The following MAGI2 variants were observed in gnomAD, a reference collection of about 807,000 sequenced individuals.
MAGI2 encodes the protein membrane associated guanylate kinase, WW and PDZ domain containing 2, also known as membrane-associated guanylate kinase, WW and PDZ domain-containing protein 2.
A neutral mutation model predicts 133.3 loss-of-function variants in MAGI2; 35 were observed. The observed-to-expected ratio is 0.26, with a 90% confidence interval of 0.20 to 0.35. MAGI2 has a LOEUF of 0.35. MAGI2 is among the 10% of genes least tolerant of loss of function. The pLI, the probability that MAGI2 is intolerant of heterozygous loss-of-function variation, is 1.00. For synonymous variants in MAGI2, 729 were observed against 710.6 expected (o/e 1.03, Z -0.41); for missense variants, 1,636 against 1,863.4 (o/e 0.88, Z 2.25).
intron 9 of MAGI2, among the ~76,000 whole-genome samples, chr7:78,258,826 A>T (rs1015760257): frequency 6.6e-6 from 1 of 152,160 alleles, no homozygotes; most frequent in East Asian, 1.9e-4. Context: ...ACTTAATAAC[A>T]TTCATCCATT....
chr7:78,772,265 C>T (rs376165963), intron 2 of MAGI2, among the ~76,000 whole-genome samples: 44 of 152,270 alleles, frequency 2.9e-4, no homozygotes, highest in African/African-American at 9.6e-4. Context: ...TATCCACTTT[C>T]TTTCAAGGGT....
At chr7:79,184,670 T>C (rs1339184854) in intron 1 of MAGI2, among the ~76,000 whole-genome samples, 2 of 151,698 alleles carry the variant, frequency 1.3e-5, no homozygotes, top group African/African-American at 4.8e-5. Flanking sequence ...ATTAGAAAAG[T>C]TCCTCGTAAA....
chr7:78,467,762 C>T (rs970808386), intron 6 of MAGI2, among the ~76,000 whole-genome samples: 3 of 151,986 alleles, frequency 2.0e-5, no homozygotes, highest in Non-Finnish European at 4.4e-5. Context: ...ACTATAATAA[C>T]ATTTTTAATA....
chr7:79,237,798 C>T (rs1256127315), intron 1 of MAGI2, among the ~76,000 whole-genome samples: 1 of 152,172 alleles, frequency 6.6e-6, no homozygotes, highest in African/African-American at 2.4e-5. Context: ...AAATATTCCT[C>T]TGCTGTTGGG....
At chr7:79,111,277 C>T (rs926842961) in intron 1 of MAGI2, among the ~76,000 whole-genome samples, 1 of 152,060 alleles carries the variant, frequency 6.6e-6, no homozygotes, top group Non-Finnish European at 1.5e-5. Flanking sequence ...TGATTTGAAA[C>T]GTTGTACTCA....
At chr7:79,039,582 T>C (rs1411245350) in intron 1 of MAGI2, among the ~76,000 whole-genome samples, 1 of 151,544 alleles carries the variant, frequency 6.6e-6, no homozygotes, top group African/African-American at 2.4e-5. Context: ...ACCTACAGAA[T>C]AGGAGAAAAT....
At chr7:79,281,904 G>T (rs1214240937) in intron 1 of MAGI2, among the ~76,000 whole-genome samples, 1 of 151,998 alleles carries the variant, frequency 6.6e-6, no homozygotes, top group Non-Finnish European at 1.5e-5. Flanking sequence ...ACTTTTAATT[G>T]AAAATTATAC....
At chr7:78,355,188 G>A (rs1468147994) in intron 7 of MAGI2, among the ~76,000 whole-genome samples, 1 of 152,098 alleles carries the variant, frequency 6.6e-6, no homozygotes, top group African/African-American at 2.4e-5. Flanking sequence ...TAACTTGTTT[G>A]TTCTTTTCCA....
chr7:78,062,889 A>G (rs892532707), intron 21 of MAGI2, among the ~76,000 whole-genome samples: 5 of 151,930 alleles, frequency 3.3e-5, no homozygotes, highest in Admixed American at 2.6e-4. Context: ...TCCTGACATC[A>G]TCTCCCACCC....
chr7:78,416,371 A>C (rs527802490), intron 6 of MAGI2, among the ~76,000 whole-genome samples: 1 of 151,346 alleles, frequency 6.6e-6, no homozygotes, highest in African/African-American at 2.4e-5. Context: ...CTAAATAGGT[A>C]CAATTTATGT....
intron 1 of MAGI2, among the ~76,000 whole-genome samples, chr7:79,400,185 T>C (rs1191286981): frequency 6.6e-6 from 1 of 152,164 alleles, no homozygotes; most frequent in Admixed American, 6.5e-5. Flanking sequence ...ATGATACATA[T>C]TGCAGAACTA....
chr7:78,409,285 AC>A (rs1345500644), intron 6 of MAGI2, among the ~76,000 whole-genome samples: 2 of 152,054 alleles, frequency 1.3e-5, no homozygotes, highest in African/African-American at 4.8e-5. Flanking sequence ...AATGCTCAAT[AC>A]CTTTCTGTTG....
chr7:79,013,726 T>C (rs1741241466), intron 1 of MAGI2, among the ~76,000 whole-genome samples: 1 of 152,142 alleles, frequency 6.6e-6, no homozygotes, highest in African/African-American at 2.4e-5. Flanking sequence ...CCATCTCATT[T>C]TCAGGTGGCC....
At chr7:78,250,642 TCAA>T (rs935437200) in intron 10 of MAGI2, among the ~76,000 whole-genome samples, 12 of 152,004 alleles carry the variant, frequency 7.9e-5, no homozygotes, top group African/African-American at 1.2e-4. Flanking sequence ...TTATGCTAAT[TCAA>T]CAACTTAGAT....
intron 2 of MAGI2, among the ~76,000 whole-genome samples, chr7:78,923,743 A>G (rs922593912): frequency 1.3e-5 from 2 of 152,148 alleles, no homozygotes; most frequent in Non-Finnish European, 2.9e-5. Context: ...AGTAATTGGT[A>G]GCTTGATGGG....
intron 2 of MAGI2, among the ~76,000 whole-genome samples, chr7:78,860,266 T>C (rs1430789147): frequency 6.6e-6 from 1 of 152,190 alleles, no homozygotes; most frequent in Non-Finnish European, 1.5e-5. Flanking sequence ...TCATTCTCCA[T>C]CCAGATTTGT....
chr7:78,641,438 A>G (rs1160909748), intron 2 of MAGI2, among the ~76,000 whole-genome samples: 1 of 152,194 alleles, frequency 6.6e-6, no homozygotes, highest in Non-Finnish European at 1.5e-5. Context: ...TACATAAACA[A>G]ATGAGCACAG....
intron 20 of MAGI2, 45 bp from the exon 21 acceptor site, chr7:78,079,130 C>T: frequency 6.3e-7 from 1 of 1,582,648 alleles, no homozygotes; most frequent in East Asian, 2.2e-5. Context: ...TGGTTTTACT[C>T]AAGTTGCATT....
chr7:79,439,166 C>T (rs190247195), intron 1 of MAGI2, among the ~76,000 whole-genome samples: 100 of 152,204 alleles, frequency 6.6e-4, no homozygotes, highest in Non-Finnish European at 9.6e-4. Flanking sequence ...CCACACCTCC[C>T]TTCTTGAATT....
Sources: gnomAD v4.1 joint callset for allele counts (sites outside exome capture counted in the v4.1 genomes callset) on GRCh38, gnomAD v4.1.1 for gene constraint, MANE v1.5 for transcripts, NCBI Gene and HGNC (gene_info 2026-07-23, HGNC 2026-07-21) for gene names.